KCP: variants seen among roughly 807,000 people sequenced by gnomAD.
The protein encoded by KCP is kielin cysteine rich BMP regulator.
In KCP, 194 loss-of-function variants were observed where a neutral mutation model predicts 212.7. The observed-to-expected ratio is 0.91, with a 90% confidence interval of 0.81 to 1.03. KCP has a LOEUF of 1.03. Among genes scored for constraint, KCP ranks in the 50% least tolerant of loss-of-function variants. The pLI, the probability that KCP is intolerant of heterozygous loss-of-function variation, is 0.00. For missense variants in KCP, 2,080 were observed against 2,162.5 expected, an observed-to-expected ratio of 0.96 and a Z score of 0.76; for synonymous variants, 833 against 865.3, an observed-to-expected ratio of 0.96 and a Z score of 0.65.
At chr7:128,889,165 G>A in intron 21 of KCP, 126 bp from the exon 22 acceptor site, 1 of 678,496 alleles carries the variant, frequency 1.5e-6, no homozygotes, top group East Asian at 3.5e-5. Context: ...GGGGGCTGGG[G>A]GGTCACAGGC....
At position 128,877,506 on chromosome 7, in the gene KCP, G is replaced by T. The variant is rs899959089; in HGVS notation, c.4596C>A (p.Thr1532=). 2 of 1,551,228 alleles carry T rather than the reference G, an allele frequency of 1.3e-6. No individual in the cohort carries two copies. Among genetic ancestry groups the T allele is most frequent in the Non-Finnish European group, 1.7e-6 (2 of 1,146,986 alleles). ...CACCACACAGCGTGGGGCCTCGCCA[G>T]GTAGGTGTCACTCCTGCCTGGCGAC... is the stretch of plus-strand genomic sequence containing the variant. ...SHCRQAGVTP[T]WRGPTLCVVG... is the part of the protein sequence containing the mutation. The change falls in exon 39 of 40, where the codon ACC becomes ACA. Residue 1532 remains threonine, a synonymous_variant. Transcript: ENST00000610776.
intron 8 of KCP, 37 bp from the exon 9 acceptor site, chr7:128,894,330 G>A (rs1794389406): frequency 1.4e-6 from 2 of 1,450,904 alleles, no homozygotes; most frequent in Admixed American, 4.5e-5. Flanking sequence ...GGGCCGACAG[G>A]GCTCAACTGA....
chr7:128,892,158 A>G (rs1028271807), intron 16 of KCP, among the ~76,000 whole-genome samples: 1 of 148,732 alleles, frequency 6.7e-6, no homozygotes, highest in Non-Finnish European at 1.5e-5. Flanking sequence ...CCGGCCTCCT[A>G]CGTGGCAGGC....
intron 29 of KCP, 79 bp from the exon 30 acceptor site, chr7:128,882,095 G>T: frequency 9.0e-7 from 1 of 1,105,724 alleles, no homozygotes; most frequent in Non-Finnish European, 1.3e-6. Context: ...CATGCACTGT[G>T]TCCCCAGGTT....
intron 2 of KCP, among the ~76,000 whole-genome samples, chr7:128,907,761 T>C (rs892266443): frequency 1.3e-5 from 2 of 152,190 alleles, no homozygotes; most frequent in African/African-American, 4.8e-5. Context: ...CCCAAATACA[T>C]GGAACAGTAC....
At chr7:128,888,339 C>CAT (rs1793847452) in intron 22 of KCP, among the ~76,000 whole-genome samples, 1 of 138,944 alleles carries the variant, frequency 7.2e-6, no homozygotes, top group Non-Finnish European at 1.5e-5. Flanking sequence ...CACACACACA[C>CAT]ACACACACAT....
At position 128,886,456 on chromosome 7, in the gene KCP, G is replaced by A. The variant is rs753161155; in HGVS notation, c.2866+8C>T. On this transcript the variant is annotated splice_region_variant and intron_variant, in intron 26 of 39. Transcript: ENST00000610776. The stretch of plus-strand genomic sequence containing the variant: ...TGAAGCAAGGGGTAGGGCTACAGGC[G>A]GCCATACCTCTGCAGCGAGGGCAGC... 2.3e-5 allele frequency: 35 copies of A among 1,543,584 alleles called. No individual in the cohort carries two copies. The highest frequency in any genetic ancestry group is 2.8e-5 in the Non-Finnish European group (32 of 1,142,392).
Position 128,881,732 on chromosome 7 carries a change from A to G in KCP, c.3325-7T>C. On this transcript the variant is annotated splice_region_variant and splice_polypyrimidine_tract_variant and intron_variant, in intron 30 of 39. Transcript: ENST00000610776. ...TGCAGAGCCATGTCAGGTCCTGCCC[A>G]TGTGAACACAAGAGGTAGAGAATGG... 1 of 1,536,112 alleles carries G rather than the reference A, an allele frequency of 6.5e-7. No individual in the cohort carries two copies. Among genetic ancestry groups the G allele is most frequent in the Non-Finnish European group, 8.8e-7 (1 of 1,141,086 alleles).
intron 20 of KCP, 87 bp downstream of exon 20, chr7:128,890,818 T>G (rs13229241): frequency 3.7e-6 from 4 of 1,077,398 alleles, no homozygotes; most frequent in Non-Finnish European, 4.9e-6. Flanking sequence ...GGAGCGGGCC[T>G]GGAGGAAGGG....
chr7:128,879,095 C>A (rs1423198521), intron 37 of KCP: 2 of 353,752 alleles, frequency 5.7e-6, no homozygotes, highest in Non-Finnish European at 1.0e-5. Context: ...TAGAAGTGTA[C>A]ACCCTTATTC....
chr7:128,880,999 G>C lies in KCP; in HGVS notation c.3511C>G (p.His1171Asp). The C allele has an allele frequency of 2.5e-6, 1 of 398,876 alleles. No individual in the cohort carries two copies. Among genetic ancestry groups the C allele is most frequent in the South Asian group, 1.3e-4 (1 of 7,872 alleles). 24.7% of individuals were successfully genotyped at this position (398,876 alleles called of 1,614,324 possible). Residue 1171 changes from histidine to aspartate, a missense_variant and splice_region_variant, in exon 32 of 40, where the codon CAT becomes GAT. By Grantham distance (81) the His-to-Asp change is moderately conservative (BLOSUM62 -1). Coordinates refer to ENST00000610776, the MANE Select transcript of KCP (RefSeq NM_001366122.1). ...PSNACIACTC[H>D]RGHVECHLEE... ...CTCCCAGGCCCACCCCAGCTCACATGGCAGGTGCAGGCGATGCACGCATTG... is the reference window on the plus strand; with the variant it reads ...CTCCCAGGCCCACCCCAGCTCACATCGCAGGTGCAGGCGATGCACGCATTG...
At chr7:128,883,128 A>T (rs1039755945) in intron 29 of KCP, among the ~76,000 whole-genome samples, 1 of 151,980 alleles carries the variant, frequency 6.6e-6, no homozygotes. Flanking sequence ...TTAAAAAAAA[A>T]AGTATGTTTT....
intron 26 of KCP, among the ~76,000 whole-genome samples, chr7:128,886,065 G>C (rs1793627692): frequency 6.6e-6 from 1 of 152,076 alleles, no homozygotes; most frequent in Non-Finnish European, 1.5e-5. Context: ...TAGGAAGAGG[G>C]GCAGCTTTTT....
chr7:128,908,719 G>A (rs1795283861), intron 1 of KCP, among the ~76,000 whole-genome samples, 151 bp from the exon 2 acceptor site: 1 of 152,254 alleles, frequency 6.6e-6, no homozygotes, highest in South Asian at 2.1e-4. Context: ...GGGCCGGGAA[G>A]CCAGCACAGG....
chr7:128,903,956 G>C, intron 6 of KCP, 100 bp downstream of exon 6: 5 of 1,358,310 alleles, frequency 3.7e-6, no homozygotes, highest in Non-Finnish European at 5.1e-6. Context: ...CACCTCTCGG[G>C]AGGCATGTGA....
intron 5 of KCP, chr7:128,904,425 T>C: frequency 7.4e-7 from 1 of 1,348,058 alleles, no homozygotes; most frequent in Non-Finnish European, 1.0e-6. Flanking sequence ...CCCACCATCC[T>C]CCCTCTTTCT....
At chr7:128,902,746 G>C (rs752930383) in intron 8 of KCP, 31 bp downstream of exon 8, 23 of 1,539,784 alleles carry the variant, frequency 1.5e-5, no homozygotes, top group Non-Finnish European at 1.8e-5. Context: ...GGCAGGGAGG[G>C]GGACAGACCA....
At chr7:128,901,206 G>T (rs2128949645) in intron 8 of KCP, among the ~76,000 whole-genome samples, 1 of 152,330 alleles carries the variant, frequency 6.6e-6, no homozygotes, top group South Asian at 2.1e-4. Context: ...CTAAAAAGGG[G>T]AGGCATGAAT....
At chr7:128,879,338 C>T (rs1382555510) in intron 37 of KCP, 184 bp downstream of exon 37, 3 of 591,784 alleles carry the variant, frequency 5.1e-6, no homozygotes, top group Non-Finnish European at 9.0e-6. Flanking sequence ...GAACTCAGAA[C>T]TCCTCTGACT....
Sources: gnomAD v4.1 joint callset for allele counts (sites outside exome capture counted in the v4.1 genomes callset) on GRCh38, gnomAD v4.1.1 for gene constraint, MANE v1.5 for transcripts, NCBI Gene and HGNC (gene_info 2026-07-23, HGNC 2026-07-21) for gene names.